Variants in SEMA6D observed in about 807,000 individuals in gnomAD.
SEMA6D encodes semaphorin-6D.
In SEMA6D, 35 loss-of-function variants were observed where a neutral mutation model predicts 106.6. The ratio of observed to expected loss-of-function variants is 0.33; its 90% CI spans 0.25 to 0.44. The LOEUF is 0.44. Among genes scored for constraint, SEMA6D ranks in the 20% least tolerant of loss-of-function variants. SEMA6D has a pLI of 1.00. For missense variants in SEMA6D, 1,185 were observed against 1,345.9 expected, an observed-to-expected ratio of 0.88 and a Z score of 1.87; for synonymous variants, 499 against 487.7, an observed-to-expected ratio of 1.02 and a Z score of -0.31.
chr15:47,471,465 T>G (rs1481162633), intron 3 of SEMA6D, among the ~76,000 whole-genome samples: 4 of 152,226 alleles, frequency 2.6e-5, no homozygotes, highest in African/African-American at 9.6e-5. Flanking sequence ...ACACCTTGCT[T>G]AAACATTCAA....
intron 1 of SEMA6D, among the ~76,000 whole-genome samples, chr15:47,226,512 A>G (rs997142003): frequency 1.3e-5 from 2 of 152,136 alleles, no homozygotes; most frequent in Non-Finnish European, 2.9e-5. Context: ...TTTGTTATCA[A>G]TAGGCATGCA....
At chr15:47,665,245 CT>C (rs1566970772) in intron 4 of SEMA6D, among the ~76,000 whole-genome samples, 1 of 152,216 alleles carries the variant, frequency 6.6e-6, no homozygotes, top group African/African-American at 2.4e-5. Context: ...TATTCTCTTT[CT>C]TTTTTCTTTG....
At chr15:47,566,913 CAA>C (rs5812402) in intron 3 of SEMA6D, among the ~76,000 whole-genome samples, 66,525 of 151,900 alleles carry the variant, frequency 0.44, 15,680 homozygotes, top group Non-Finnish European at 0.53. Flanking sequence ...AAGAATAAAA[CAA>C]GAGGGTGTTA....
At chr15:47,413,914 C>T (rs551829932) in intron 2 of SEMA6D, among the ~76,000 whole-genome samples, 14 of 152,314 alleles carry the variant, frequency 9.2e-5, no homozygotes, top group Admixed American at 2.6e-4. Flanking sequence ...CATGGCCTTA[C>T]ATCTGTGAAT....
At chr15:47,376,089 C>T (rs2145507961) in intron 1 of SEMA6D, among the ~76,000 whole-genome samples, 1 of 152,254 alleles carries the variant, frequency 6.6e-6, no homozygotes, top group South Asian at 2.1e-4. Flanking sequence ...TTAAAATAAA[C>T]TTTGAAGTCG....
chr15:47,385,756 C>T (rs4368110), intron 1 of SEMA6D, among the ~76,000 whole-genome samples: 16,588 of 152,070 alleles, frequency 0.11, 1,029 homozygotes, highest in East Asian at 0.28. Flanking sequence ...GTAACTGAAT[C>T]CCAAGTCAAG....
At chr15:47,673,528 A>T (rs2078178857) in intron 4 of SEMA6D, among the ~76,000 whole-genome samples, 1 of 152,164 alleles carries the variant, frequency 6.6e-6, no homozygotes, top group Admixed American at 6.5e-5. Flanking sequence ...TCCAGAAAAC[A>T]TTCAGTGGAA....
At chr15:47,533,989 C>A in intron 3 of SEMA6D, among the ~76,000 whole-genome samples, 1 of 151,994 alleles carries the variant, frequency 6.6e-6, no homozygotes, top group East Asian at 1.9e-4. Context: ...TAACTTTAAC[C>A]GAGGTGCAAA....
chr15:47,546,774 A>G (rs2045534687), intron 3 of SEMA6D, among the ~76,000 whole-genome samples: 1 of 151,834 alleles, frequency 6.6e-6, no homozygotes, highest in African/African-American at 2.4e-5. Context: ...ATTCATATTC[A>G]GGTTTCCCTG....
intron 1 of SEMA6D, among the ~76,000 whole-genome samples, chr15:47,368,504 T>A (rs1036851636): frequency 2.0e-5 from 3 of 152,028 alleles, no homozygotes; most frequent in African/African-American, 7.2e-5. Flanking sequence ...GGAGTCTCGC[T>A]CTGTCGCCCA....
chr15:47,399,378 T>C (rs764345184), intron 1 of SEMA6D: 3 of 152,220 alleles, frequency 2.0e-5, no homozygotes, highest in Non-Finnish European at 4.4e-5. Flanking sequence ...CCAGCCACCA[T>C]CCTGCTGAAT....
At chr15:47,281,165 G>A (rs2035088759) in intron 1 of SEMA6D, among the ~76,000 whole-genome samples, 1 of 116,878 alleles carries the variant, frequency 8.6e-6, no homozygotes, top group Non-Finnish European at 1.8e-5. Flanking sequence ...GAGAGTCTAA[G>A]TCTCTTTGTA....
intron 1 of SEMA6D, among the ~76,000 whole-genome samples, chr15:47,341,416 CAT>C (rs2037808526): frequency 6.6e-6 from 1 of 151,960 alleles, no homozygotes; most frequent in South Asian, 2.1e-4. Flanking sequence ...ATAAAACAAA[CAT>C]AGAGTTAAAA....
chr15:47,377,713 T>C (rs2039497733), intron 1 of SEMA6D, among the ~76,000 whole-genome samples: 1 of 152,026 alleles, frequency 6.6e-6, no homozygotes, highest in African/African-American at 2.4e-5. Flanking sequence ...AAATGGAAAA[T>C]TTGTCTGGAG....
At chr15:47,741,176 A>G (rs1306082081) in intron 1 of SEMA6D, among the ~76,000 whole-genome samples, 2 of 152,160 alleles carry the variant, frequency 1.3e-5, no homozygotes, top group Non-Finnish European at 2.9e-5. Context: ...TCTCTGCTGC[A>G]GGGATTAAGA....
At chr15:47,591,419 C>T (rs1260819740) in intron 3 of SEMA6D, among the ~76,000 whole-genome samples, 1 of 152,178 alleles carries the variant, frequency 6.6e-6, no homozygotes, top group Non-Finnish European at 1.5e-5. Flanking sequence ...ATGACAGGTG[C>T]TTCATCTAGG....
intron 3 of SEMA6D, among the ~76,000 whole-genome samples, chr15:47,537,669 G>C (rs969118113): frequency 1.3e-5 from 2 of 152,068 alleles, no homozygotes; most frequent in Non-Finnish European, 2.9e-5. Context: ...TTGGAATTAG[G>C]AGATGGAACA....
intron 3 of SEMA6D, among the ~76,000 whole-genome samples, chr15:47,559,822 A>G (rs998890058): frequency 6.6e-5 from 10 of 152,138 alleles, no homozygotes; most frequent in Admixed American, 3.9e-4. Flanking sequence ...ACAAATGAGA[A>G]TGGCCTAAAA....
At position 47,761,371 on chromosome 15, in the gene SEMA6D, C is replaced by T. The variant is rs368939087; in HGVS notation, c.387C>T (p.Asn129=). The part of the protein sequence containing the change: ...HNFIKVFVPR[N]DEMVFVCGTN... ...TTATCAAAGTATTTGTTCCAAGAAA[C>T]GATGAGATGGTTTTTGTTTGTGGTA... The change falls in exon 6 of 19, where the codon AAC becomes AAT. Residue 129 remains asparagine (N), a synonymous_variant. Transcript: ENST00000536845. 37 of 1,613,254 alleles carry T rather than the reference C, an allele frequency of 2.3e-5. No homozygotes were observed. The African/African-American group carries it at 2.5e-4, about 11-fold the overall frequency.
Sources: gnomAD v4.1 joint callset for allele counts (sites outside exome capture counted in the v4.1 genomes callset) on GRCh38, gnomAD v4.1.1 for gene constraint, MANE v1.5 for transcripts, NCBI Gene and HGNC (gene_info 2026-07-23, HGNC 2026-07-21) for gene names.